The following FAF1 variants were observed in gnomAD, a reference collection of about 807,000 sequenced individuals.
FAF1 encodes the protein FAS-associated factor 1.
FAF1 carries 25 observed loss-of-function variants against 92.5 expected under a neutral mutation model. The observed-to-expected ratio is 0.27, with a 90% confidence interval of 0.20 to 0.38. FAF1 has a LOEUF of 0.38. Among genes scored for constraint, FAF1 ranks in the 10% least tolerant of loss-of-function variants. The pLI is 1.00. For missense variants in FAF1, 636 were observed against 793.3 expected (o/e 0.80, Z 2.38); for synonymous variants, 234 against 273.2 (o/e 0.86, Z 1.42).
At chr1:50,681,589 C>T (rs1656422644) in intron 7 of FAF1, among the ~76,000 whole-genome samples, 1 of 151,914 alleles carries the variant, frequency 6.6e-6, no homozygotes, top group African/African-American at 2.4e-5. Flanking sequence ...CTCACTGAAA[C>T]CTCTGCCCCC....
At chr1:50,697,793 A>G (rs879919087) in intron 7 of FAF1, among the ~76,000 whole-genome samples, 2 of 152,218 alleles carry the variant, frequency 1.3e-5, no homozygotes, top group African/African-American at 4.8e-5. Flanking sequence ...TCTCTAAAAA[A>G]AAAGTTTTTC....
chr1:50,500,568 T>C (rs1469118986), intron 15 of FAF1, among the ~76,000 whole-genome samples: 2 of 152,086 alleles, frequency 1.3e-5, no homozygotes, highest in South Asian at 2.1e-4. Flanking sequence ...ATAATACTTA[T>C]AAAGGAAACA....
Position 50,541,428 on chromosome 1 carries a change from CA to C in FAF1, c.1269-1701del, listed in dbSNP as rs561570149. ...GCTCAAGCAGCCTAACCTTCTATGC[CA>C]AATTTCACACCCATATAGCTTAACT... is the stretch of plus-strand genomic sequence containing the variant. On this transcript the variant is annotated intron_variant, in intron 13 of 18. Transcript: ENST00000396153. 1.6e-3 allele frequency among the ~76,000 whole-genome samples: 251 copies of C among 152,228 alleles called. 2 individuals are homozygous for C. The highest frequency in any genetic ancestry group is 5.6e-3 in the African/African-American group (233 of 41,542).
At chr1:50,492,851 A>G (rs1646855194) in intron 15 of FAF1, among the ~76,000 whole-genome samples, 1 of 152,152 alleles carries the variant, frequency 6.6e-6, no homozygotes, top group Admixed American at 6.5e-5. Context: ...CCAATAATTC[A>G]ACTAATTCCT....
chr1:50,944,744 C>T (rs1050066902), intron 1 of FAF1, among the ~76,000 whole-genome samples: 14 of 152,152 alleles, frequency 9.2e-5, no homozygotes, highest in African/African-American at 3.1e-4. Context: ...GTCTGAATTC[C>T]TTAAGCCATC....
intron 15 of FAF1, among the ~76,000 whole-genome samples, chr1:50,514,649 G>T (rs1647186156): frequency 6.6e-6 from 1 of 152,192 alleles, no homozygotes. Context: ...TGCTTTGCTA[G>T]AATGTAAGTC....
intron 2 of FAF1, among the ~76,000 whole-genome samples, chr1:50,805,992 A>C (rs1662182217): frequency 6.6e-6 from 1 of 152,222 alleles, no homozygotes; most frequent in Non-Finnish European, 1.5e-5. Context: ...ATGGGTAGGC[A>C]AATGATGAAA....
At chr1:50,779,508 G>A (rs887987010) in intron 4 of FAF1, among the ~76,000 whole-genome samples, 1 of 151,768 alleles carries the variant, frequency 6.6e-6, no homozygotes, top group Non-Finnish European at 1.5e-5. Flanking sequence ...GTTAGCAGGC[G>A]GGAAGATACT....
intron 2 of FAF1, among the ~76,000 whole-genome samples, chr1:50,815,667 A>G (rs992444854): frequency 6.6e-5 from 10 of 152,248 alleles, no homozygotes; most frequent in Non-Finnish European, 1.5e-4. Flanking sequence ...TTCTACCAAC[A>G]GGGTATAAGT....
At chr1:50,752,034 A>T (rs1303553182) in intron 4 of FAF1, among the ~76,000 whole-genome samples, 1 of 151,940 alleles carries the variant, frequency 6.6e-6, no homozygotes, top group African/African-American at 2.4e-5. Flanking sequence ...CAGTGGCACT[A>T]TCTTGGCTCA....
At chr1:50,958,621 T>A (rs943072602) in intron 1 of FAF1, among the ~76,000 whole-genome samples, 1 of 149,936 alleles carries the variant, frequency 6.7e-6, no homozygotes, top group African/African-American at 2.5e-5. Flanking sequence ...GAGCTTGCAA[T>A]GAGCCGAGAT....
intron 2 of FAF1, among the ~76,000 whole-genome samples, chr1:50,829,535 T>A (rs1644133875): frequency 6.6e-6 from 1 of 152,168 alleles, no homozygotes; most frequent in Admixed American, 6.5e-5. Context: ...CCTTAACACA[T>A]TCCACAAAAG....
chr1:50,838,145 T>C (rs1245510190), intron 2 of FAF1, among the ~76,000 whole-genome samples: 1 of 152,084 alleles, frequency 6.6e-6, no homozygotes, highest in Non-Finnish European at 1.5e-5. Context: ...TTTAAACATA[T>C]TTTGGTATAT....
chr1:50,782,984 T>C (rs533846855), intron 4 of FAF1, among the ~76,000 whole-genome samples: 1 of 147,798 alleles, frequency 6.8e-6, no homozygotes, highest in Admixed American at 6.6e-5. Flanking sequence ...ATACTGAGTG[T>C]TTTTTTTAAA....
At chr1:50,596,376 A>T (rs1008413554) in intron 8 of FAF1, among the ~76,000 whole-genome samples, 160 bp from the exon 9 acceptor site, 4 of 152,072 alleles carry the variant, frequency 2.6e-5, no homozygotes, top group African/African-American at 7.3e-5. Context: ...AAAATTTGAA[A>T]TTTTTCCACA....
At chr1:50,767,029 G>T (rs930838873) in intron 4 of FAF1, among the ~76,000 whole-genome samples, 1 of 152,100 alleles carries the variant, frequency 6.6e-6, no homozygotes, top group Non-Finnish European at 1.5e-5. Context: ...AGATCATCAA[G>T]ATTCAGGAGA....
At chr1:50,831,690 T>C (rs1644154204) in intron 2 of FAF1, among the ~76,000 whole-genome samples, 1 of 151,824 alleles carries the variant, frequency 6.6e-6, no homozygotes. Flanking sequence ...TTTCTAAAAA[T>C]GTGAGCCTTA....
At chr1:50,923,170 A>G (rs995839921) in intron 1 of FAF1, among the ~76,000 whole-genome samples, 1 of 152,158 alleles carries the variant, frequency 6.6e-6, no homozygotes, top group Non-Finnish European at 1.5e-5. Context: ...TATAATCTCA[A>G]TGCTTTGAGA....
intron 13 of FAF1, among the ~76,000 whole-genome samples, chr1:50,547,693 C>T (rs557830534): frequency 6.6e-6 from 1 of 152,264 alleles, no homozygotes; most frequent in South Asian, 2.1e-4. Context: ...GGATTACAGG[C>T]GTGAGCCACC....
Sources: gnomAD v4.1 joint callset for allele counts (sites outside exome capture counted in the v4.1 genomes callset) on GRCh38, gnomAD v4.1.1 for gene constraint, MANE v1.5 for transcripts, NCBI Gene and HGNC (gene_info 2026-07-23, HGNC 2026-07-21) for gene names.